HACD3: variants seen among roughly 807,000 people sequenced by gnomAD.
HACD3 encodes the protein very-long-chain (3R)-3-hydroxyacyl-CoA dehydratase 3.
In HACD3, 30 loss-of-function variants were observed where a neutral mutation model predicts 55.2. The observed-to-expected ratio is 0.54, with a 90% CI of 0.41 to 0.74. The LOEUF (loss-of-function observed/expected upper bound fraction) is 0.74, where lower values mean the gene tolerates loss of function less well. Ranked by LOEUF, HACD3 falls within the 30% of genes least tolerant of loss-of-function variation. HACD3 has a pLI of 0.00. For missense variants in HACD3, 363 were observed against 440.1 expected (o/e 0.82, Z 1.57); for synonymous variants, 141 against 151.7 (o/e 0.93, Z 0.52).
At chr15:65,542,036 C>T (rs1417969378) in intron 1 of HACD3, among the ~76,000 whole-genome samples, 1 of 151,860 alleles carries the variant, frequency 6.6e-6, no homozygotes, top group Non-Finnish European at 1.5e-5. Context: ...CGAGACCATC[C>T]TGGCCAACAT....
chr15:65,547,818 T>A lies in HACD3; in HGVS notation c.88-3858T>A, dbSNP rs571162434. On this transcript the variant is annotated intron_variant, in intron 1 of 10. Coordinates refer to ENST00000261875, the MANE Select transcript of HACD3 (RefSeq NM_016395.4). ...CCAGAGATTCTGAAAATGGGATGAATTGATTTCAGTTCACTTAACAGTTAT... is the reference window on the plus strand; with the variant it reads ...CCAGAGATTCTGAAAATGGGATGAAATGATTTCAGTTCACTTAACAGTTAT... 2.0e-5 allele frequency among the ~76,000 whole-genome samples: 3 copies of A among 152,218 alleles called. No homozygotes were observed. The East Asian group carries it at 5.8e-4, about 29-fold the overall frequency.
intron 2 of HACD3, among the ~76,000 whole-genome samples, chr15:65,554,546 C>G (rs533113391): frequency 1.3e-5 from 2 of 152,050 alleles, no homozygotes; most frequent in Non-Finnish European, 2.9e-5. Flanking sequence ...GAGGCTGAGG[C>G]GGGTGGATCA....
At position 65,570,127 on chromosome 15, in the gene HACD3, G is replaced by A. The variant is rs758202721; in HGVS notation, c.697G>A (p.Gly233Ser). 6.2e-7 allele frequency: 1 copy of A among 1,611,068 alleles called. No individual in the cohort carries two copies. The highest frequency in any genetic ancestry group is 1.1e-5 in the South Asian group (1 of 90,666). The change falls in exon 8 of 11, where the codon GGC (glycine) becomes AGC (serine). Residue 233 changes from glycine to serine, a missense_variant. Gly to Ser is a moderately conservative substitution (Grantham distance 56, BLOSUM62 0). Transcript: ENST00000261875. Reference sequence around the variant, plus strand: ...AAATTTTATTTTGTTTATCATCTTTGGCACCATGGAAGAAATGCAGAACAA... The same window carrying A: ...AAATTTTATTTTGTTTATCATCTTTAGCACCATGGAAGAAATGCAGAACAA... ...GRNFILFIIF[G>S]TMEEMQNKAV...
At chr15:65,540,397 A>G (rs987665018) in intron 1 of HACD3, among the ~76,000 whole-genome samples, 2 of 152,222 alleles carry the variant, frequency 1.3e-5, no homozygotes, top group African/African-American at 4.8e-5. Context: ...AGGGAAATAA[A>G]GAGGGTGATG....
intron 1 of HACD3, among the ~76,000 whole-genome samples, chr15:65,549,993 C>A (rs1461661699): frequency 6.6e-6 from 1 of 152,214 alleles, no homozygotes; most frequent in South Asian, 2.1e-4. Flanking sequence ...GCTGATATCA[C>A]ACAAAATAGA....
chr15:65,530,770 C>T (rs1267074698), intron 1 of HACD3, 52 bp downstream of exon 1: 7 of 1,472,922 alleles, frequency 4.8e-6, no homozygotes, highest in Non-Finnish European at 5.5e-6. Flanking sequence ...GCTCCGGGTA[C>T]CCGCCAGGAC....
At chr15:65,551,595 T>A in intron 1 of HACD3, 81 bp from the exon 2 acceptor site, 1 of 1,488,466 alleles carries the variant, frequency 6.7e-7, no homozygotes, top group African/African-American at 1.4e-5. Context: ...GGGAGAGGGA[T>A]GAGGGGAAGA....
intron 1 of HACD3, among the ~76,000 whole-genome samples, chr15:65,536,542 C>T (rs1438511001): frequency 2.6e-5 from 4 of 152,018 alleles, no homozygotes; most frequent in African/African-American, 4.8e-5. Flanking sequence ...GGGTGTGTCA[C>T]TTGAGGTCAG....
At chr15:65,535,305 A>G (rs2141202205) in intron 1 of HACD3, among the ~76,000 whole-genome samples, 1 of 152,334 alleles carries the variant, frequency 6.6e-6, no homozygotes, top group South Asian at 2.1e-4. Context: ...TTGAGAGATG[A>G]CTAATATCAC....
intron 9 of HACD3, 89 bp downstream of exon 9, chr15:65,571,743 C>T: frequency 5.1e-6 from 5 of 982,132 alleles, no homozygotes; most frequent in South Asian, 3.2e-5. Flanking sequence ...CGGCCTTAGT[C>T]CGATAAATGG....
chr15:65,567,227 A>G (rs945889700), intron 7 of HACD3, among the ~76,000 whole-genome samples: 1 of 152,162 alleles, frequency 6.6e-6, no homozygotes, highest in South Asian at 2.1e-4. Flanking sequence ...GCTGAGACGG[A>G]AGGATTCCTT....
chr15:65,565,260 C>G (rs1359268210), intron 7 of HACD3: 1 of 153,192 alleles, frequency 6.5e-6, no homozygotes, highest in Non-Finnish European at 1.5e-5. Context: ...TGCAAGCTGT[C>G]AGTGGATCTA....
Position 65,576,631 on chromosome 15 carries a change from C to T in HACD3, c.*252C>T. ...GTTAATGACACCAAAAGGCTCAGCC[C>T]ACCCCAACCCTATCTCATGTTCAGT... On this transcript the variant is annotated 3_prime_UTR_variant, in exon 11 of 11. Coordinates refer to ENST00000261875, the MANE Select transcript of HACD3 (RefSeq NM_016395.4). 1 of 507,922 alleles carries T rather than the reference C, an allele frequency of 2.0e-6. No individual in the cohort carries two copies. The highest frequency in any genetic ancestry group is 3.5e-5 in the East Asian group (1 of 28,760). The allele number at this position is 507,922 out of a possible 1,614,324, so 31.5% of individuals were successfully genotyped here. A position where few individuals can be genotyped will look rare whatever the true frequency, so the allele number is the denominator to read the frequency against.
intron 1 of HACD3, chr15:65,531,438 G>GT: frequency 6.6e-6 from 1 of 152,348 alleles, no homozygotes; most frequent in South Asian, 2.1e-4. Flanking sequence ...TAAGCAAGCT[G>GT]AAGGCACGTA....
intron 1 of HACD3, among the ~76,000 whole-genome samples, chr15:65,534,007 C>T (rs1194689072): frequency 4.0e-5 from 6 of 150,476 alleles, no homozygotes; most frequent in African/African-American, 1.5e-4. Context: ...GCCGAGACTG[C>T]GCCACTGCAC....
intron 1 of HACD3, among the ~76,000 whole-genome samples, chr15:65,537,953 AAAAAAATATATATATATAT>A (rs1306715725): frequency 1.9e-3 from 27 of 13,894 alleles, no homozygotes; most frequent in African/African-American, 3.7e-3. Context: ...AAAAAAAAAA[AAAAAAATATATATATATAT>A]ATATATATAT....
At position 65,551,666 on chromosome 15, in the gene HACD3, C is replaced by G; in HGVS notation, c.88-10C>G. Reference sequence around the variant, plus strand: ...AAATGCCTTCTTGCATCCTTGGTCTCTTTTCACAGAACCCTGCCATCAGCA... The same window carrying G: ...AAATGCCTTCTTGCATCCTTGGTCTGTTTTCACAGAACCCTGCCATCAGCA... On this transcript the variant is annotated splice_polypyrimidine_tract_variant and intron_variant, in intron 1 of 10. Transcript: ENST00000261875. 6.2e-7 allele frequency: 1 copy of G among 1,613,974 alleles called. No homozygotes were observed. Among genetic ancestry groups the G allele is most frequent in the Non-Finnish European group, 8.5e-7 (1 of 1,179,860 alleles).
chr15:65,550,675 C>CT (rs1197543181), intron 1 of HACD3: 1 of 152,222 alleles, frequency 6.6e-6, no homozygotes, highest in Non-Finnish European at 1.5e-5. Flanking sequence ...CGTTTATTGT[C>CT]TCTCACAGTT....
chr15:65,572,914 C>CAAAAAAA (rs60226731), intron 10 of HACD3, among the ~76,000 whole-genome samples: 2 of 106,416 alleles, frequency 1.9e-5, no homozygotes, highest in Non-Finnish European at 4.2e-5. Flanking sequence ...GACTTTGTCT[C>CAAAAAAA]AAAAAAAAAA....
Sources: gnomAD v4.1 joint callset for allele counts (sites outside exome capture counted in the v4.1 genomes callset) on GRCh38, gnomAD v4.1.1 for gene constraint, MANE v1.5 for transcripts, NCBI Gene and HGNC (gene_info 2026-07-23, HGNC 2026-07-21) for gene names.